Variants in PKD1L1 observed in about 807,000 individuals in gnomAD.
PKD1L1 encodes polycystin-1-like protein 1.
A neutral mutation model predicts 323.4 loss-of-function variants in PKD1L1; 236 were observed. The ratio of observed to expected loss-of-function variants is 0.73; its 90% CI spans 0.66 to 0.81. The LOEUF is 0.81. PKD1L1 is among the 40% of genes least tolerant of loss of function. PKD1L1 has a pLI of 0.00. For synonymous variants in PKD1L1, 1,344 were observed against 1,335.0 expected, an observed-to-expected ratio of 1.01 and a Z score of -0.15; for missense variants, 3,320 against 3,508.0, an observed-to-expected ratio of 0.95 and a Z score of 1.35.
chr7:47,882,206 A>G, intron 19 of PKD1L1, 121 bp from the exon 20 acceptor site: 2 of 1,037,782 alleles, frequency 1.9e-6, no homozygotes, highest in Non-Finnish European at 2.8e-6. Flanking sequence ...CCGCCTATCT[A>G]ATATAATGTC....
At chr7:47,835,381 A>T (rs1785436128) in intron 37 of PKD1L1, 138 bp from the exon 38 acceptor site, 2 of 572,144 alleles carry the variant, frequency 3.5e-6, no homozygotes, top group African/African-American at 2.0e-5. Context: ...ATGAATCATG[A>T]ATTTTAAGTT....
chr7:47,832,255 C>T (rs1291354994), intron 41 of PKD1L1, among the ~76,000 whole-genome samples: 1 of 152,198 alleles, frequency 6.6e-6, no homozygotes, highest in African/African-American at 2.4e-5. Flanking sequence ...CTGCCAGTGT[C>T]AGCCTTGCAC....
chr7:47,821,245 G>T, intron 45 of PKD1L1, 59 bp from the exon 46 acceptor site: 1 of 910,304 alleles, frequency 1.1e-6, no homozygotes, highest in Non-Finnish European at 1.7e-6. Context: ...GTACCTGAGT[G>T]CTTCAATTTG....
At chr7:47,816,166 G>A (rs920104596) in intron 46 of PKD1L1, among the ~76,000 whole-genome samples, 26 of 152,362 alleles carry the variant, frequency 1.7e-4, no homozygotes, top group Admixed American at 2.6e-4. Context: ...GGCGCAGCAT[G>A]TGACTGGCCT....
intron 54 of PKD1L1, among the ~76,000 whole-genome samples, chr7:47,796,830 C>CAAAAAAAAAAAAAAAAAAAAAA (rs71006525): frequency 7.5e-6 from 1 of 133,624 alleles, no homozygotes; most frequent in Non-Finnish European, 1.6e-5. Flanking sequence ...TCCTAAATTA[C>CAAAAAAAAAAAAAAAAAAAAAA]AAAAAAAAAA....
At chr7:47,944,006 G>A (rs1258385272) in intron 1 of PKD1L1, among the ~76,000 whole-genome samples, 1 of 152,238 alleles carries the variant, frequency 6.6e-6, no homozygotes, top group Admixed American at 6.5e-5. Context: ...TGCCAGCGCA[G>A]ACACAGAGTA....
intron 8 of PKD1L1, 128 bp from the exon 9 acceptor site, chr7:47,908,378 T>C (rs1787253097): frequency 3.3e-6 from 3 of 908,318 alleles, no homozygotes; most frequent in Non-Finnish European, 4.9e-6. Context: ...ATCTTTCTTG[T>C]CTCTTGTAGC....
rs199911994 is a variant in PKD1L1 at position 47,933,608 on chromosome 7, A to T, written c.399-1552T>A. ...GCCTGGGCCGCCCTGTTTGTCCCCA[A>T]CCCTCTCTTCACCATGATCAGCCTT... On this transcript the variant is annotated intron_variant, in intron 4 of 56. Coordinates refer to ENST00000289672, the MANE Select transcript of PKD1L1 (RefSeq NM_138295.5). Among the ~76,000 whole-genome samples, 19 of 151,994 alleles carry T rather than the reference A, an allele frequency of 1.3e-4. No individual in the cohort carries two copies. In the East Asian group the frequency reaches 1.9e-3, roughly 15 times the overall value.
rs764301663 is a variant in PKD1L1 at position 47,946,561 on chromosome 7, C to A, written c.44+1836G>T. Among the ~76,000 whole-genome samples, 1 of 151,268 alleles carries A rather than the reference C, an allele frequency of 6.6e-6. No individual in the cohort carries two copies. Among genetic ancestry groups the A allele is most frequent in the African/African-American group, 2.4e-5 (1 of 41,106 alleles). On this transcript the variant is annotated intron_variant, in intron 1 of 56. Coordinates refer to ENST00000289672, the MANE Select transcript of PKD1L1 (RefSeq NM_138295.5). The surrounding 1 kb of genome is among the most constrained non-coding windows in gnomAD (Gnocchi z 4.1). ...CACATTACACACACATCACACAGCACACACCATGTATCACACACACACCAT... is the reference window on the plus strand; with the variant it reads ...CACATTACACACACATCACACAGCAAACACCATGTATCACACACACACCAT...
At chr7:47,954,449 T>C in the PKD1L1 span, among the ~76,000 whole-genome samples, 42 of 152,152 alleles carry the variant, frequency 2.8e-4, no homozygotes, top group South Asian at 6.2e-3. Context: ...GGAGAATGAG[T>C]TGTTATCAAA....
the PKD1L1 span, among the ~76,000 whole-genome samples, chr7:47,958,946 C>T: frequency 6.6e-5 from 10 of 152,130 alleles, no homozygotes; most frequent in Admixed American, 4.6e-4. Context: ...CTCAGCCTGC[C>T]GAGTGCCTGC....
At chr7:47,821,010 A>G in intron 46 of PKD1L1, 66 bp downstream of exon 46, 3 of 894,722 alleles carry the variant, frequency 3.4e-6, no homozygotes, top group Non-Finnish European at 3.6e-6. Context: ...AACATGGGGA[A>G]GGTGCACACA....
intron 23 of PKD1L1, among the ~76,000 whole-genome samples, chr7:47,875,104 C>A (rs149472153): frequency 9.9e-5 from 15 of 152,206 alleles, no homozygotes; most frequent in Admixed American, 9.8e-4. Context: ...CACATAACCC[C>A]GTACGCAGCT....
chr7:47,827,256 A>G, intron 45 of PKD1L1, 94 bp downstream of exon 45: 1 of 1,123,458 alleles, frequency 8.9e-7, no homozygotes, highest in Non-Finnish European at 1.2e-6. Flanking sequence ...CCTCCAGGAG[A>G]ACAATCTCCC....
rs142543033 is a variant in PKD1L1, at chr7:47,803,801, A to G, written c.7828-457T>C. Among the ~76,000 whole-genome samples, 294 of 152,330 alleles carry G rather than the reference A, an allele frequency of 1.9e-3. 5 individuals are homozygous for G. The highest frequency in any genetic ancestry group is 7.0e-3 in the African/African-American group (289 of 41,564). On this transcript the variant is annotated intron_variant, in intron 52 of 56. Coordinates refer to ENST00000289672, the MANE Select transcript of PKD1L1 (RefSeq NM_138295.5). ...CAACACTTTCCAAGTAGGTTTTTAA[A>G]AACGTAATCCTTGCAAATACGGGAG...
chr7:47,913,584 A>G (rs1269792059), intron 8 of PKD1L1, among the ~76,000 whole-genome samples: 1 of 151,910 alleles, frequency 6.6e-6, no homozygotes, highest in Non-Finnish European at 1.5e-5. Context: ...GGTCTTTTAA[A>G]AGTGTGTGGC....
At chr7:47,891,574 C>T (rs144689332) in intron 15 of PKD1L1, among the ~76,000 whole-genome samples, 3 of 152,332 alleles carry the variant, frequency 2.0e-5, no homozygotes, top group East Asian at 1.9e-4. Context: ...TGTGCAGGCA[C>T]CTCATTCTAG....
At chr7:47,905,429 ATGG>A in intron 10 of PKD1L1, 104 bp from the exon 11 acceptor site, 1 of 1,271,570 alleles carries the variant, frequency 7.9e-7, no homozygotes, top group Non-Finnish European at 1.1e-6. Context: ...GGCTTGAGTG[ATGG>A]TGAGGAAGCT....
chr7:47,941,602 G>A (rs562210954), intron 2 of PKD1L1, among the ~76,000 whole-genome samples: 25 of 152,346 alleles, frequency 1.6e-4, no homozygotes, highest in East Asian at 7.7e-4. Flanking sequence ...AATATGTGAC[G>A]TGCTACAAAT....
Sources: allele counts gnomAD v4.1 joint callset (sites outside exome capture counted in the v4.1 genomes callset), GRCh38; gene constraint gnomAD v4.1.1; non-coding constraint Gnocchi (gnomAD v3.1); transcripts MANE v1.5; gene names NCBI Gene and HGNC (gene_info 2026-07-23, HGNC 2026-07-21).